The following EPHA6 variants were observed in gnomAD, a reference collection of about 807,000 sequenced individuals.
The protein encoded by EPHA6 is ephrin type-A receptor 6.
In EPHA6, 50 loss-of-function variants were observed where a neutral mutation model predicts 112.0. The ratio of observed to expected loss-of-function variants is 0.45; its 90% CI spans 0.36 to 0.56. The LOEUF (loss-of-function observed/expected upper bound fraction) is 0.56, where lower values mean the gene tolerates loss of function less well. Among genes scored for constraint, EPHA6 ranks in the 20% least tolerant of loss-of-function variants. EPHA6 has a pLI of 0.00. For missense variants in EPHA6, 1,280 were observed against 1,417.4 expected, an observed-to-expected ratio of 0.90 and a Z score of 1.56; for synonymous variants, 529 against 490.7, an observed-to-expected ratio of 1.08 and a Z score of -1.03.
intron 14 of EPHA6, among the ~76,000 whole-genome samples, chr3:97,679,896 A>G (rs2031722777): frequency 6.6e-6 from 1 of 152,186 alleles, no homozygotes; most frequent in African/African-American, 2.4e-5. Context: ...TTGTGACCCA[A>G]AGTGATTTGA....
At chr3:96,898,565 C>T (rs2107563501) in intron 2 of EPHA6, among the ~76,000 whole-genome samples, 1 of 152,234 alleles carries the variant, frequency 6.6e-6, no homozygotes, top group Non-Finnish European at 1.5e-5. Flanking sequence ...ATGACTAATA[C>T]ATCTTTGTGT....
intron 1 of EPHA6, among the ~76,000 whole-genome samples, chr3:96,825,781 A>G (rs998700447): frequency 6.6e-6 from 1 of 151,960 alleles, no homozygotes; most frequent in Non-Finnish European, 1.5e-5. Context: ...AAAGGCAGTG[A>G]AAACTATCAA....
intron 3 of EPHA6, among the ~76,000 whole-genome samples, chr3:97,150,516 G>A (rs1403394109): frequency 6.6e-6 from 1 of 151,958 alleles, no homozygotes; most frequent in Non-Finnish European, 1.5e-5. Flanking sequence ...CAAGCTCAGG[G>A]TTCCGCCCCT....
chr3:97,119,624 C>G (rs937069287), intron 3 of EPHA6, among the ~76,000 whole-genome samples: 2 of 151,938 alleles, frequency 1.3e-5, no homozygotes, highest in Non-Finnish European at 2.9e-5. Context: ...GACAGAAAAG[C>G]AGGAGGATTC....
chr3:96,981,283 C>G (rs1164611778), intron 2 of EPHA6, among the ~76,000 whole-genome samples: 1 of 152,054 alleles, frequency 6.6e-6, no homozygotes, highest in Non-Finnish European at 1.5e-5. Flanking sequence ...TTGTCAAAGG[C>G]CTTTTCTGCA....
intron 14 of EPHA6, among the ~76,000 whole-genome samples, chr3:97,702,797 C>T (rs970396265): frequency 1.3e-5 from 2 of 151,908 alleles, no homozygotes; most frequent in African/African-American, 4.8e-5. Context: ...TTGTAAACTC[C>T]ATCATTTAAC....
intron 13 of EPHA6, among the ~76,000 whole-genome samples, chr3:97,617,496 G>A (rs957952463): frequency 3.9e-5 from 6 of 152,128 alleles, no homozygotes; most frequent in Non-Finnish European, 8.8e-5. Context: ...GCTGGATAAA[G>A]AACTAAGACC....
chr3:97,335,052 A>C (rs1338310698), intron 5 of EPHA6, among the ~76,000 whole-genome samples: 2 of 152,208 alleles, frequency 1.3e-5, no homozygotes, highest in Non-Finnish European at 2.9e-5. Flanking sequence ...TGGCTTAAAC[A>C]ACAGACATGT....
chr3:97,186,884 A>G (rs1158613117), intron 3 of EPHA6, among the ~76,000 whole-genome samples: 2 of 152,106 alleles, frequency 1.3e-5, no homozygotes, highest in African/African-American at 2.4e-5. Flanking sequence ...GATTTGCCAC[A>G]TTACCAATTT....
chr3:97,134,139 A>G (rs1435780116), intron 3 of EPHA6, among the ~76,000 whole-genome samples: 1 of 152,096 alleles, frequency 6.6e-6, no homozygotes, highest in Non-Finnish European at 1.5e-5. Flanking sequence ...TAAAGTTTAT[A>G]TTTCATATGC....
At chr3:97,657,150 T>C (rs1404318407) in intron 14 of EPHA6, among the ~76,000 whole-genome samples, 1 of 151,908 alleles carries the variant, frequency 6.6e-6, no homozygotes, top group Non-Finnish European at 1.5e-5. Flanking sequence ...CTGTATGCTA[T>C]AAAAGTAAAC....
intron 9 of EPHA6, among the ~76,000 whole-genome samples, chr3:97,479,650 A>G (rs2091473466): frequency 6.6e-6 from 1 of 152,176 alleles, no homozygotes; most frequent in African/African-American, 2.4e-5. Flanking sequence ...TACCACTCAC[A>G]ATGGCTCTAA....
chr3:97,448,456 T>G (rs1363196532), intron 6 of EPHA6, 112 bp from the exon 7 acceptor site: 7 of 1,122,656 alleles, frequency 6.2e-6, no homozygotes, highest in African/African-American at 1.6e-5. Flanking sequence ...TACTTTGTAA[T>G]CAATACTTTT....
chr3:97,720,557 A>T (rs1028219630), intron 15 of EPHA6, 147 bp downstream of exon 15: 2 of 626,070 alleles, frequency 3.2e-6, no homozygotes, highest in Non-Finnish European at 5.0e-6. Flanking sequence ...GAAGCTGAGT[A>T]ACCTTTCACT....
intron 5 of EPHA6, 42 bp from the exon 6 acceptor site, chr3:97,405,108 G>T (rs2087254436): frequency 1.3e-6 from 2 of 1,548,300 alleles, no homozygotes; most frequent in South Asian, 1.2e-5. Flanking sequence ...AATGGAAAAT[G>T]ATTCCTGCCA....
chr3:97,369,536 C>A (rs2084931702), intron 5 of EPHA6, among the ~76,000 whole-genome samples: 1 of 152,132 alleles, frequency 6.6e-6, no homozygotes, highest in Admixed American at 6.6e-5. Context: ...GTTCCAGATA[C>A]TGGCGTGGGG....
chr3:96,851,477 G>A (rs76930584), intron 1 of EPHA6, among the ~76,000 whole-genome samples: 10,458 of 152,118 alleles, frequency 0.069, 711 homozygotes, highest in Admixed American at 0.21. Context: ...TTTCTGATAG[G>A]ATACTGTGCT....
chr3:96,845,883 G>A (rs551123520), intron 1 of EPHA6, among the ~76,000 whole-genome samples: 5 of 152,032 alleles, frequency 3.3e-5, no homozygotes, highest in African/African-American at 1.2e-4. Context: ...GAGTAGTGAC[G>A]ATGTATTAGA....
intron 3 of EPHA6, among the ~76,000 whole-genome samples, chr3:97,133,384 G>A (rs903127110): frequency 2.0e-5 from 3 of 151,992 alleles, no homozygotes; most frequent in African/African-American, 4.8e-5. Flanking sequence ...AAGACTTATA[G>A]CCAGATTTTT....
Sources: allele counts gnomAD v4.1 joint callset (sites outside exome capture counted in the v4.1 genomes callset), GRCh38; gene constraint gnomAD v4.1.1; transcripts MANE v1.5; gene names NCBI Gene and HGNC (gene_info 2026-07-23, HGNC 2026-07-21).